Variants in VAC14 observed in about 807,000 individuals in gnomAD.
The protein encoded by VAC14 is VAC14 component of PIKFYVE complex.
Under a neutral mutation model 85.3 loss-of-function variants are expected in VAC14, and 47 were observed. That is an observed-to-expected ratio of 0.55 (90% CI 0.44 to 0.70). The LOEUF (loss-of-function observed/expected upper bound fraction) is 0.70. Among genes scored for constraint, VAC14 ranks in the 30% least tolerant of loss-of-function variants. The probability of loss-of-function intolerance (pLI) is 0.00; values close to 1 mark genes in which losing one functional copy is unlikely to be tolerated. For missense variants in VAC14, 861 were observed against 1,004.3 expected (o/e 0.86, Z 1.93); for synonymous variants, 447 against 430.5 (o/e 1.04, Z -0.47).
chr16:70,753,257 T>C (rs1164284341), intron 12 of VAC14, among the ~76,000 whole-genome samples: 1 of 151,878 alleles, frequency 6.6e-6, no homozygotes, highest in Non-Finnish European at 1.5e-5. Context: ...GTGAAAATGG[T>C]GGGTCTCATT....
chr16:70,695,665 C>G (rs2142991083), intron 16 of VAC14, 42 bp from the exon 17 acceptor site: 1 of 1,594,174 alleles, frequency 6.3e-7, no homozygotes, highest in Non-Finnish European at 8.6e-7. Flanking sequence ...TGGGCCAGCA[C>G]AGCCGCAGCT....
At chr16:70,753,011 G>GTGTGTGTGTGTGT (rs1555521573) in intron 12 of VAC14, among the ~76,000 whole-genome samples, 22 of 142,980 alleles carry the variant, frequency 1.5e-4, no homozygotes, top group African/African-American at 5.5e-4. Flanking sequence ...AGGAGGAGGG[G>GTGTGTGTGTGTGT]GTGTGTGTGT....
At chr16:70,725,805 A>G (rs1373491307) in intron 14 of VAC14, among the ~76,000 whole-genome samples, 2 of 152,170 alleles carry the variant, frequency 1.3e-5, no homozygotes, top group African/African-American at 4.8e-5. Flanking sequence ...GCCTCATCTT[A>G]GGAGTGCCCT....
Position 70,762,592 on chromosome 16 carries a change from G to A in VAC14, c.1319C>T (p.Thr440Met). 3 of 1,614,050 alleles carry A rather than the reference G, an allele frequency of 1.9e-6. No homozygotes were observed. Among genetic ancestry groups the A allele is most frequent in the Non-Finnish European group, 2.5e-6 (3 of 1,179,954 alleles). The change falls in exon 12 of 19, where the codon ACG becomes ATG. Residue 440 changes from threonine (T) to methionine (M), a missense_variant. Transcript: ENST00000261776. This position sits in a 1 kb window ranked among gnomAD's most constrained non-coding sequence, Gnocchi z 4.1. ...CAGTAGGATGGGAAAGAGGCTGTCC[G>A]TGTGCCGGAACATCTGGAGGGCAGA... ...IKTPRKMFRH[T>M]DSLFPILLQT...
In VAC14 at chr16:70,801,014, C is replaced by T; in HGVS notation, c.-114G>A. ...CCCGGCGCCGGCGCATGGACCACGC[C>T]GCTCTAGGCTTGCCTGCCACGCTCC... On this transcript the variant is annotated 5_prime_UTR_variant, in exon 1 of 19. Coordinates refer to ENST00000261776, the MANE Select transcript of VAC14 (RefSeq NM_018052.5). 1.6e-6 allele frequency: 1 copy of T among 641,094 alleles called. No homozygotes were observed. Among genetic ancestry groups the T allele is most frequent in the South Asian group, 2.6e-5 (1 of 38,404 alleles). 39.7% of individuals were successfully genotyped at this position (641,094 alleles called of 1,614,324 possible). A position where few individuals can be genotyped will look rare whatever the true frequency, so the allele number is the denominator to read the frequency against.
At chr16:70,790,267 G>C (rs1347068070) in intron 1 of VAC14, among the ~76,000 whole-genome samples, 1 of 152,168 alleles carries the variant, frequency 6.6e-6, no homozygotes, top group African/African-American at 2.4e-5. Flanking sequence ...AGGATGAGTA[G>C]GTGTTCGTTC....
At chr16:70,718,014 A>G (rs2054204137) in intron 14 of VAC14, among the ~76,000 whole-genome samples, 1 of 152,250 alleles carries the variant, frequency 6.6e-6, no homozygotes, top group South Asian at 2.1e-4. Flanking sequence ...AAACAGGAGA[A>G]AGTGAGTCAA....
intron 10 of VAC14, chr16:70,769,080 T>C (rs980785232): frequency 8.9e-5 from 21 of 237,286 alleles, no homozygotes; most frequent in African/African-American, 4.5e-4. Context: ...CCTCCCAAAA[T>C]GCTGGGATTA....
At chr16:70,740,461 C>T (rs573668085) in intron 13 of VAC14, among the ~76,000 whole-genome samples, 7 of 152,286 alleles carry the variant, frequency 4.6e-5, no homozygotes, top group Admixed American at 3.9e-4. Flanking sequence ...GATGTCCAGG[C>T]CCCGGGAGGA....
At chr16:70,782,117 C>T (rs1460597807) in intron 7 of VAC14, 114 bp from the exon 8 acceptor site, 58 of 1,409,886 alleles carry the variant, frequency 4.1e-5, no homozygotes, top group Non-Finnish European at 5.2e-5. Flanking sequence ...AAGCGCCTGA[C>T]GGCTTCCAGC....
At chr16:70,786,064 A>C in intron 2 of VAC14, 151 bp downstream of exon 2, 1 of 1,414,636 alleles carries the variant, frequency 7.1e-7, no homozygotes, top group East Asian at 2.3e-5. Context: ...AAGGCCGCAA[A>C]GCCAGCCTTG....
intron 10 of VAC14, chr16:70,766,529 C>T (rs1354346329): frequency 2.2e-6 from 1 of 456,814 alleles, no homozygotes; most frequent in Non-Finnish European, 4.4e-6. Context: ...CCCAGAACCT[C>T]ATCACTAAAA....
chr16:70,718,499 A>G (rs569430620), intron 14 of VAC14, among the ~76,000 whole-genome samples: 1 of 151,960 alleles, frequency 6.6e-6, no homozygotes, highest in East Asian at 2.0e-4. Context: ...GCATGAACCC[A>G]GGAGGCAGAG....
At chr16:70,735,694 G>A (rs529137745) in intron 13 of VAC14, among the ~76,000 whole-genome samples, 190 of 152,334 alleles carry the variant, frequency 1.2e-3, no homozygotes, top group Non-Finnish European at 1.7e-3. Flanking sequence ...GAACCTCCTA[G>A]ACAGCTCGCG....
chr16:70,781,756 C>T (rs2033821784), intron 8 of VAC14, 113 bp downstream of exon 8: 1 of 1,426,006 alleles, frequency 7.0e-7, no homozygotes, highest in Non-Finnish European at 9.5e-7. Flanking sequence ...CTGCTAGGGA[C>T]TATGGAAGTG....
chr16:70,786,020 C>A (rs1369359048), intron 2 of VAC14, 151 bp from the exon 3 acceptor site: 26 of 1,325,558 alleles, frequency 2.0e-5, no homozygotes, highest in Non-Finnish European at 4.1e-6. Context: ...GCCTCATTCC[C>A]AGGAGAGGGC....
rs1275397546 is a variant in VAC14, at chr16:70,744,603, G to C, written c.1372-24C>G. The C allele has an allele frequency of 5.1e-6, 8 of 1,567,018 alleles. No homozygotes were observed. In the South Asian group the frequency reaches 8.5e-5, roughly 17 times the overall value. ...ACCTGGGGAGAGAAGCGGGGCAGGAGGGATGAGCTCTCCGCTGAGAGCTGT... is the reference window on the plus strand; with the variant it reads ...ACCTGGGGAGAGAAGCGGGGCAGGACGGATGAGCTCTCCGCTGAGAGCTGT... On this transcript the variant is annotated intron_variant, in intron 12 of 18. Coordinates refer to ENST00000261776, the MANE Select transcript of VAC14 (RefSeq NM_018052.5).
Position 70,801,157 on chromosome 16 carries a change from T to A in VAC14, c.-257A>T, listed in dbSNP as rs878887742. ...CGAGACAGCGGCCATGTTACTCGAG[T>A]CACATGACTCTACAGCACTTCCGCC... On this transcript the variant is annotated 5_prime_UTR_variant, in exon 1 of 19. Coordinates refer to ENST00000261776, the MANE Select transcript of VAC14 (RefSeq NM_018052.5). The A allele has an allele frequency of 3.3e-5, 13 of 393,400 alleles. No individual in the cohort carries two copies. The South Asian group carries it at 6.9e-4, about 21-fold the overall frequency. The allele number at this position is 393,400 out of a possible 1,614,324, so 24.4% of individuals were successfully genotyped here.
intron 14 of VAC14, among the ~76,000 whole-genome samples, chr16:70,706,046 A>G (rs78409530): frequency 0.052 from 7,846 of 152,156 alleles, 201 homozygotes; most frequent in East Asian, 0.095. Context: ...CCAGTCTGGC[A>G]CCAGGACCCT....
Sources: allele counts gnomAD v4.1 joint callset (sites outside exome capture counted in the v4.1 genomes callset), GRCh38; gene constraint gnomAD v4.1.1; non-coding constraint Gnocchi (gnomAD v3.1); transcripts MANE v1.5; gene names NCBI Gene and HGNC (gene_info 2026-07-23, HGNC 2026-07-21).